TRAPPC8: variants seen among roughly 807,000 people sequenced by gnomAD.
TRAPPC8 encodes trafficking protein particle complex subunit 8.
In TRAPPC8, 54 loss-of-function variants were observed where a neutral mutation model predicts 174.3. That is an observed-to-expected ratio of 0.31 (90% CI 0.25 to 0.39). The LOEUF (loss-of-function observed/expected upper bound fraction) is 0.39. TRAPPC8 is among the 10% of genes least tolerant of loss of function. The probability of loss-of-function intolerance (pLI) is 1.00; values close to 1 mark genes in which losing one functional copy is unlikely to be tolerated. For missense variants in TRAPPC8, 1,531 were observed against 1,699.1 expected (o/e 0.90, Z 1.74); for synonymous variants, 630 against 579.9 (o/e 1.09, Z -1.24).
intron 1 of TRAPPC8, among the ~76,000 whole-genome samples, chr18:31,941,691 G>C (rs1190260151): frequency 6.6e-6 from 1 of 152,026 alleles, no homozygotes; most frequent in Non-Finnish European, 1.5e-5. Context: ...TTTTTTTGTG[G>C]ATAAGTCATA....
At chr18:31,901,074 A>T in intron 9 of TRAPPC8, 49 bp from the exon 10 acceptor site, 1 of 1,500,240 alleles carries the variant, frequency 6.7e-7, no homozygotes, top group Non-Finnish European at 9.0e-7. Flanking sequence ...AAACAGTCTT[A>T]CAGTTTAGAT....
chr18:31,942,880 G>T lies in TRAPPC8; in HGVS notation c.-116C>A, dbSNP rs1007533486. The T allele has an allele frequency of 8.0e-7, 1 of 1,253,846 alleles. No homozygotes were observed. The highest frequency in any genetic ancestry group is 4.2e-5 in the Admixed American group (1 of 23,698). The allele number at this position is 1,253,846 out of a possible 1,614,324, so 77.7% of individuals were successfully genotyped here. A position where few individuals can be genotyped will look rare whatever the true frequency, so the allele number is the denominator to read the frequency against. On this transcript the variant is annotated 5_prime_UTR_variant, in exon 1 of 29. Coordinates refer to ENST00000283351, the MANE Select transcript of TRAPPC8 (RefSeq NM_014939.5). Reference sequence around the variant, plus strand: ...GCCTGGCCCGGCCGGGCGGGGCCCCGAACGCACTGGAGCCTAGAAACAAGA... The same window carrying T: ...GCCTGGCCCGGCCGGGCGGGGCCCCTAACGCACTGGAGCCTAGAAACAAGA...
Position 31,849,672 on chromosome 18 carries a change from G to T in TRAPPC8, c.3629C>A (p.Pro1210Gln), listed in dbSNP as rs775894855. The T allele has an allele frequency of 4.3e-6, 7 of 1,611,926 alleles. No homozygotes were observed. The Admixed American group carries it at 1.0e-4, about 23-fold the overall frequency. The change falls in exon 25 of 29, where the codon CCA (proline) becomes CAA (glutamine). Residue 1210 changes from proline (P) to glutamine (Q), a missense_variant. By Grantham distance (76) the Pro-to-Gln change is moderately conservative. Coordinates refer to ENST00000283351, the MANE Select transcript of TRAPPC8 (RefSeq NM_014939.5). The part of the protein sequence containing the change: ...YRSLSSELKK[P>Q]QAHLPVHTEK... Reference sequence around the variant, plus strand: ...TGTATGCACAGGCAAGTGAGCTTGTGGTTTTTTCAATTCAGAAGATAAACT... The same window carrying T: ...TGTATGCACAGGCAAGTGAGCTTGTTGTTTTTTCAATTCAGAAGATAAACT...
chr18:31,859,467 A>C (rs1036528681), intron 19 of TRAPPC8, among the ~76,000 whole-genome samples: 1 of 152,216 alleles, frequency 6.6e-6, no homozygotes, highest in African/African-American at 2.4e-5. Context: ...TGTCAAGCTT[A>C]TAGTCGAGCT....
At chr18:31,880,498 A>T (rs1186738944) in intron 12 of TRAPPC8, among the ~76,000 whole-genome samples, 1 of 152,000 alleles carries the variant, frequency 6.6e-6, no homozygotes, top group African/African-American at 2.4e-5. Context: ...AAACATACCT[A>T]AAAATAATAA....
In TRAPPC8 at chr18:31,873,437, T is replaced by C; in HGVS notation, c.2055A>G (p.Pro685=). ...TRVFFGHDRR[P]ADGEKQAATH... is the part of the protein sequence containing the mutation. ...AAATAAAACTTTACTAACCATCCGCTGGTCGTCTGTCATGGCCAAAAAAAA... is the reference window on the plus strand; with the variant it reads ...AAATAAAACTTTACTAACCATCCGCCGGTCGTCTGTCATGGCCAAAAAAAA... Residue 685 remains proline (P), a synonymous_variant, in exon 14 of 29, where the codon CCA becomes CCG. Coordinates refer to ENST00000283351, the MANE Select transcript of TRAPPC8 (RefSeq NM_014939.5). 1 of 1,612,312 alleles carries C rather than the reference T, an allele frequency of 6.2e-7. No homozygotes were observed. Among genetic ancestry groups the C allele is most frequent in the Non-Finnish European group, 8.5e-7 (1 of 1,179,126 alleles).
intron 2 of TRAPPC8, among the ~76,000 whole-genome samples, chr18:31,930,444 T>C (rs940640896): frequency 1.3e-5 from 2 of 152,138 alleles, no homozygotes; most frequent in African/African-American, 4.8e-5. Flanking sequence ...TTAAATATGA[T>C]ATTAGGAAGT....
intron 12 of TRAPPC8, among the ~76,000 whole-genome samples, chr18:31,887,084 A>G (rs986280946): frequency 5.9e-5 from 9 of 152,186 alleles, no homozygotes; most frequent in Non-Finnish European, 1.2e-4. Context: ...CCCTACCAAT[A>G]CAACCCTGTT....
rs374667555 is a variant in TRAPPC8, at chr18:31,874,448, A to G, written c.1953+32T>C. 28 of 1,568,040 alleles carry G rather than the reference A, an allele frequency of 1.8e-5. 1 individual carries two copies. The highest frequency in any genetic ancestry group is 3.3e-4 in the Middle Eastern group (2 of 5,982). On this transcript the variant is annotated intron_variant, in intron 13 of 28. Coordinates refer to ENST00000283351, the MANE Select transcript of TRAPPC8 (RefSeq NM_014939.5). The stretch of plus-strand genomic sequence containing the variant: ...ACTTTCACACTAAAATACAGTTTTA[A>G]TATCTATTCCTGAATGAAAATAAGC...
rs571173442 is a variant in TRAPPC8, at chr18:31,836,785, A to G, written c.3983+2527T>C. Among the ~76,000 whole-genome samples, 187 of 133,106 alleles carry G rather than the reference A, an allele frequency of 1.4e-3. 1 individual carries two copies. The highest frequency in any genetic ancestry group is 4.6e-3 in the Middle Eastern group (1 of 216). 87.3% of individuals were successfully genotyped at this position (133,106 alleles called of 152,430 possible). A position where few individuals can be genotyped will look rare whatever the true frequency, so the allele number is the denominator to read the frequency against. On this transcript the variant is annotated intron_variant, in intron 27 of 28. Transcript: ENST00000283351. ...TTTTTTTTTTTTTTTTTTTTGAGAC[A>G]GAGTCTCGCTCTGTCGCCCAGGCTG...
At chr18:31,870,634 T>G in intron 15 of TRAPPC8, 132 bp from the exon 16 acceptor site, 1 of 993,558 alleles carries the variant, frequency 1.0e-6, no homozygotes, top group Non-Finnish European at 1.5e-6. Flanking sequence ...ACCTTATAAA[T>G]GTCCACGTAT....
intron 1 of TRAPPC8, 61 bp from the exon 2 acceptor site, chr18:31,931,584 A>C: frequency 3.1e-6 from 4 of 1,294,224 alleles, no homozygotes; most frequent in Non-Finnish European, 4.1e-6. Flanking sequence ...ATAACCCAAA[A>C]TTGGGCTGAT....
chr18:31,831,176 G>A (rs550182773), intron 28 of TRAPPC8, among the ~76,000 whole-genome samples, 187 bp from the exon 29 acceptor site: 1 of 151,968 alleles, frequency 6.6e-6, no homozygotes, highest in East Asian at 1.9e-4. Flanking sequence ...ACATAATGAA[G>A]CCCCGTCTCT....
At chr18:31,852,928 T>C (rs2033790656) in intron 22 of TRAPPC8, 1 of 381,230 alleles carries the variant, frequency 2.6e-6, no homozygotes, top group African/African-American at 2.1e-5. Flanking sequence ...AACAGTAAGT[T>C]TGAAAGATCA....
At chr18:31,859,699 C>T (rs1403578377) in intron 19 of TRAPPC8, among the ~76,000 whole-genome samples, 1 of 152,142 alleles carries the variant, frequency 6.6e-6, no homozygotes, top group African/African-American at 2.4e-5. Context: ...CTTCAGAACA[C>T]AGGTTTACTA....
rs899726748 is a variant in TRAPPC8, at chr18:31,837,025, G to A, written c.3983+2287C>T. ...GATCCGCCCGCCTTGGCCTCCCAAA[G>A]TGCTGGGATTACAGGCGTGAGCCAC... is the stretch of plus-strand genomic sequence containing the variant. On this transcript the variant is annotated intron_variant, in intron 27 of 28. Coordinates refer to ENST00000283351, the MANE Select transcript of TRAPPC8 (RefSeq NM_014939.5). Among the ~76,000 whole-genome samples the A allele has an allele frequency of 2.6e-5, 4 of 152,192 alleles. No individual in the cohort carries two copies. The East Asian group carries it at 5.8e-4, about 22-fold the overall frequency.
chr18:31,854,750 C>T (rs1219212713), intron 21 of TRAPPC8, among the ~76,000 whole-genome samples: 1 of 151,772 alleles, frequency 6.6e-6, no homozygotes, highest in East Asian at 1.9e-4. Context: ...GGGCGGATTA[C>T]GAGGTCAGGA....
At chr18:31,899,504 T>A (rs2145418611) in intron 10 of TRAPPC8, among the ~76,000 whole-genome samples, 1 of 152,348 alleles carries the variant, frequency 6.6e-6, no homozygotes, top group East Asian at 1.9e-4. Flanking sequence ...AAATTGCCTC[T>A]ATATCTGCCT....
chr18:31,873,299 G>A (rs1237367691), intron 14 of TRAPPC8, 131 bp downstream of exon 14: 3 of 719,812 alleles, frequency 4.2e-6, no homozygotes, highest in African/African-American at 3.6e-5. Context: ...TTACAGGCAT[G>A]AGCCAATCGT....
Sources: gnomAD v4.1 joint callset for allele counts (sites outside exome capture counted in the v4.1 genomes callset) on GRCh38, gnomAD v4.1.1 for gene constraint, MANE v1.5 for transcripts, NCBI Gene and HGNC (gene_info 2026-07-23, HGNC 2026-07-21) for gene names.